NUBPL: variants seen among roughly 807,000 people sequenced by gnomAD.
The protein encoded by NUBPL is NUBP iron-sulfur cluster assembly factor, mitochondrial.
Under a neutral mutation model 45.7 loss-of-function variants are expected in NUBPL, and 31 were observed. The ratio of observed to expected loss-of-function variants is 0.68; its 90% CI spans 0.51 to 0.92. The LOEUF is 0.92. Among genes scored for constraint, NUBPL ranks in the 40% least tolerant of loss-of-function variants. The pLI is 0.00. For missense variants in NUBPL, 401 were observed against 398.7 expected, an observed-to-expected ratio of 1.01 and a Z score of -0.05; for synonymous variants, 144 against 140.9, an observed-to-expected ratio of 1.02 and a Z score of -0.15.
intron 4 of NUBPL, among the ~76,000 whole-genome samples, chr14:31,658,446 A>G (rs2036192085): frequency 6.6e-6 from 1 of 152,182 alleles, no homozygotes; most frequent in African/African-American, 2.4e-5. Flanking sequence ...AATTTATGAT[A>G]ATAAATAATA....
intron 6 of NUBPL, among the ~76,000 whole-genome samples, chr14:31,700,801 T>C (rs1248579964): frequency 6.6e-6 from 1 of 152,138 alleles, no homozygotes. Context: ...GCTCAGGACC[T>C]GCAGCCTGCC....
At chr14:31,721,177 C>T (rs2037800304) in intron 6 of NUBPL, among the ~76,000 whole-genome samples, 1 of 152,118 alleles carries the variant, frequency 6.6e-6, no homozygotes, top group Non-Finnish European at 1.5e-5. Flanking sequence ...AGTTTTACTT[C>T]ATTAGTACAA....
intron 8 of NUBPL, among the ~76,000 whole-genome samples, chr14:31,830,229 T>C (rs140901420): frequency 2.6e-5 from 4 of 152,360 alleles, no homozygotes; most frequent in South Asian, 2.1e-4. Flanking sequence ...TCCACAAATC[T>C]ATATTTACTG....
At chr14:31,649,639 T>A (rs1010978803) in intron 4 of NUBPL, among the ~76,000 whole-genome samples, 1 of 152,196 alleles carries the variant, frequency 6.6e-6, no homozygotes, top group Non-Finnish European at 1.5e-5. Context: ...TTTTGTATAA[T>A]AAAGTCTCAC....
intron 4 of NUBPL, among the ~76,000 whole-genome samples, chr14:31,667,662 G>A (rs182594809): frequency 2.2e-4 from 33 of 152,224 alleles, no homozygotes; most frequent in African/African-American, 7.2e-4. Context: ...GCATTTTTGC[G>A]CTGGGTTTTC....
At chr14:31,722,888 C>G (rs2037843505) in intron 6 of NUBPL, among the ~76,000 whole-genome samples, 1 of 152,016 alleles carries the variant, frequency 6.6e-6, no homozygotes, top group Admixed American at 6.5e-5. Flanking sequence ...TGTAGGTTGA[C>G]TGTTTACTCT....
At position 31,587,165 on chromosome 14, in the gene NUBPL, T is replaced by C. The variant is rs193056221; in HGVS notation, c.292-12124T>C. Among the ~76,000 whole-genome samples the C allele has an allele frequency of 2.1e-3, 322 of 152,302 alleles. 1 individual carries two copies. Among genetic ancestry groups the C allele is most frequent in the Middle Eastern group, 0.014 (4 of 294 alleles). ...TATTTTTAGGTCTGGGATTTGACCA[T>C]TAGTTTTGTTAACAAGTTGCCCGGG... On this transcript the variant is annotated intron_variant, in intron 3 of 10. Transcript: ENST00000281081.
chr14:31,708,422 A>T (rs1315959163), intron 6 of NUBPL, among the ~76,000 whole-genome samples: 1 of 152,120 alleles, frequency 6.6e-6, no homozygotes, highest in Non-Finnish European at 1.5e-5. Context: ...CAGGTAGGGG[A>T]CAACAAATGG....
At chr14:31,769,412 G>A (rs1180778208) in intron 6 of NUBPL, among the ~76,000 whole-genome samples, 1 of 152,060 alleles carries the variant, frequency 6.6e-6, no homozygotes, top group African/African-American at 2.4e-5. Context: ...AATGTTTCAG[G>A]AATGCATTAA....
At chr14:31,767,947 C>A (rs962655078) in intron 6 of NUBPL, among the ~76,000 whole-genome samples, 1 of 152,174 alleles carries the variant, frequency 6.6e-6, no homozygotes, top group East Asian at 1.9e-4. Context: ...AGCTAACTCC[C>A]TGAATATTCA....
At position 31,791,294 on chromosome 14, in the gene NUBPL, G is replaced by A. The variant is rs114650153; in HGVS notation, c.607+3421G>A. 8.9e-3 allele frequency among the ~76,000 whole-genome samples: 1,350 copies of A among 151,902 alleles called. 21 individuals carry two copies. Among genetic ancestry groups the A allele is most frequent in the African/African-American group, 0.031 (1,272 of 41,448 alleles). On this transcript the variant is annotated intron_variant, in intron 7 of 10. Transcript: ENST00000281081. ...CCCTGTCTCAAAAATAAATAAAAAT[G>A]AAAAAAGATTTAAACAAACCTAAAA...
chr14:31,616,409 C>T (rs202031813), intron 4 of NUBPL, among the ~76,000 whole-genome samples: 59 of 151,916 alleles, frequency 3.9e-4, no homozygotes, highest in Non-Finnish European at 7.4e-4. Context: ...TTAGGTCTTA[C>T]GTTTAAGTCT....
At chr14:31,858,581 G>T (rs770525188) in intron 10 of NUBPL, among the ~76,000 whole-genome samples, 6 of 152,076 alleles carry the variant, frequency 3.9e-5, no homozygotes, top group Non-Finnish European at 5.9e-5. Flanking sequence ...TGTAACAATG[G>T]AACTAGGATT....
intron 6 of NUBPL, among the ~76,000 whole-genome samples, chr14:31,756,131 C>T (rs954141981): frequency 1.1e-4 from 16 of 151,998 alleles, no homozygotes; most frequent in African/African-American, 2.9e-4. Context: ...AGTCAGGTAG[C>T]ATGATGCCTC....
At chr14:31,597,382 T>C (rs544836975) in intron 3 of NUBPL, among the ~76,000 whole-genome samples, 1 of 152,354 alleles carries the variant, frequency 6.6e-6, no homozygotes, top group East Asian at 1.9e-4. Context: ...AGGAGAGATC[T>C]TCAGTTTTTT....
rs1361129112 is a variant in NUBPL, at chr14:31,562,879, A to AT, written c.256+666dup. On this transcript the variant is annotated intron_variant, in intron 2 of 10. Transcript: ENST00000281081. ...CGCCTAGCCCTCCCAAAGTGCTGGG[A>AT]TTACAGGTGTGAGCCATCGCGCCCT... 1.9e-5 allele frequency: 3 copies of AT among 153,912 alleles called. No homozygotes were observed. In the East Asian group the frequency reaches 5.8e-4, roughly 30 times the overall value. 9.5% of individuals were successfully genotyped at this position (153,912 alleles called of 1,614,324 possible).
At chr14:31,673,448 A>T (rs774755018) in intron 5 of NUBPL, 36 bp from the exon 6 acceptor site, 1 of 1,603,222 alleles carries the variant, frequency 6.2e-7, no homozygotes, top group East Asian at 2.2e-5. Context: ...TGATTAATTT[A>T]TACAAATTAG....
rs1314825981 is a variant in NUBPL, at chr14:31,739,214, T to C, written c.514-48566T>C. On this transcript the variant is annotated intron_variant, in intron 6 of 10. Coordinates refer to ENST00000281081, the MANE Select transcript of NUBPL (RefSeq NM_025152.3). ...TATATATTATATTCTATATATATAT[T>C]ATATTATATATATATATATTATATT... Among the ~76,000 whole-genome samples the C allele has an allele frequency of 6.9e-5, 3 of 43,732 alleles. No homozygotes were observed. The East Asian group carries it at 0.018, about 260-fold the overall frequency. The allele number at this position is 43,732 out of a possible 152,430, so 28.7% of individuals were successfully genotyped here. A position where few individuals can be genotyped will look rare whatever the true frequency, so the allele number is the denominator to read the frequency against.
At chr14:31,735,180 T>C (rs930150545) in intron 6 of NUBPL, among the ~76,000 whole-genome samples, 5 of 151,926 alleles carry the variant, frequency 3.3e-5, no homozygotes, top group African/African-American at 7.2e-5. Context: ...GCAACCTAGA[T>C]GGCAACTACT....
Sources: allele counts gnomAD v4.1 joint callset (sites outside exome capture counted in the v4.1 genomes callset), GRCh38; gene constraint gnomAD v4.1.1; transcripts MANE v1.5; gene names NCBI Gene and HGNC (gene_info 2026-07-23, HGNC 2026-07-21).